LRRTM4: variants seen among roughly 807,000 people sequenced by gnomAD.
LRRTM4 encodes leucine-rich repeat transmembrane neuronal protein 4.
A neutral mutation model predicts 47.6 loss-of-function variants in LRRTM4; 25 were observed. That is an observed-to-expected ratio of 0.53 (90% CI 0.38 to 0.73). The LOEUF is 0.73. Ranked by LOEUF, LRRTM4 falls within the 30% of genes least tolerant of loss-of-function variation. The pLI is 0.00. For missense variants in LRRTM4, 638 were observed against 713.4 expected (o/e 0.89, Z 1.20); for synonymous variants, 311 against 269.5 (o/e 1.15, Z -1.51).
chr2:77,175,063 ATTTCTTT>A (rs1317596745), intron 3 of LRRTM4, among the ~76,000 whole-genome samples: 1 of 135,666 alleles, frequency 7.4e-6, no homozygotes, highest in Non-Finnish European at 1.5e-5. Flanking sequence ...ATTTTTCTTT[ATTTCTTT>A]TTTCTTTTTT....
At chr2:77,445,237 T>G (rs1304440918) in intron 3 of LRRTM4, among the ~76,000 whole-genome samples, 1 of 151,976 alleles carries the variant, frequency 6.6e-6, no homozygotes, top group Non-Finnish European at 1.5e-5. Context: ...TCATCATTTG[T>G]TAAATGGGAG....
chr2:77,330,616 C>A (rs1670939939), intron 3 of LRRTM4, among the ~76,000 whole-genome samples: 1 of 152,048 alleles, frequency 6.6e-6, no homozygotes. Context: ...AATCTGAGTT[C>A]TATTTTATGT....
At chr2:77,041,490 G>A (rs568996046) in intron 3 of LRRTM4, among the ~76,000 whole-genome samples, 2 of 151,288 alleles carry the variant, frequency 1.3e-5, no homozygotes, top group East Asian at 2.0e-4. Flanking sequence ...ACCTCTATAT[G>A]GTTTTCCATA....
rs78491533 is a variant in LRRTM4 at position 77,517,134 on chromosome 2, G to T, written c.1551+1184C>A. On this transcript the variant is annotated intron_variant, in intron 3 of 3. Coordinates refer to ENST00000409884, the MANE Select transcript of LRRTM4 (RefSeq NM_001134745.3). ...ATAATGATCAACATTACCAAGAAAAGAACAATTTACATCCAGCATTACTTA... is the reference window on the plus strand; with the variant it reads ...ATAATGATCAACATTACCAAGAAAATAACAATTTACATCCAGCATTACTTA... 2.8e-4 allele frequency: 274 copies of T among 985,082 alleles called. 1 individual carries two copies. In the African/African-American group the frequency reaches 4.6e-3, roughly 16 times the overall value. 61.0% of individuals were successfully genotyped at this position (985,082 alleles called of 1,614,324 possible).
intron 3 of LRRTM4, among the ~76,000 whole-genome samples, chr2:76,863,027 A>C (rs934668989): frequency 6.6e-6 from 1 of 152,182 alleles, no homozygotes; most frequent in Non-Finnish European, 1.5e-5. Flanking sequence ...CCACACCAGA[A>C]TTCAAAATTG....
intron 3 of LRRTM4, among the ~76,000 whole-genome samples, chr2:76,845,648 A>T (rs1671816892): frequency 1.3e-5 from 2 of 152,178 alleles, no homozygotes. Context: ...TTTTTCTATT[A>T]AATGGAAGTA....
At chr2:76,791,728 G>A (rs995196948) in intron 3 of LRRTM4, among the ~76,000 whole-genome samples, 14 of 152,272 alleles carry the variant, frequency 9.2e-5, no homozygotes, top group South Asian at 4.1e-4. Context: ...TGACAGAATC[G>A]ACATGTAGAA....
intron 3 of LRRTM4, among the ~76,000 whole-genome samples, chr2:76,839,409 T>C (rs1671608650): frequency 6.6e-6 from 1 of 152,168 alleles, no homozygotes; most frequent in Non-Finnish European, 1.5e-5. Context: ...AGTTCTCTAA[T>C]GGTGATCTTA....
chr2:77,380,663 G>A (rs1673015421), intron 3 of LRRTM4, among the ~76,000 whole-genome samples: 1 of 151,932 alleles, frequency 6.6e-6, no homozygotes, highest in African/African-American at 2.4e-5. Flanking sequence ...GGGCCTGGAT[G>A]TGCGTGCCTG....
At chr2:77,311,601 T>C (rs1319914516) in intron 3 of LRRTM4, among the ~76,000 whole-genome samples, 2 of 152,178 alleles carry the variant, frequency 1.3e-5, no homozygotes, top group Non-Finnish European at 2.9e-5. Context: ...GCGTTTAGCA[T>C]AGTAGGTGGC....
intron 3 of LRRTM4, among the ~76,000 whole-genome samples, chr2:77,217,468 T>TATATATATATATATATATATATAC (rs1338917871): frequency 2.8e-4 from 37 of 134,220 alleles, no homozygotes; most frequent in African/African-American, 4.9e-4. Flanking sequence ...TATATATATA[T>TATATATATATATATATATATATAC]ACTAAGCCTT....
At chr2:76,926,583 G>C (rs1489054113) in intron 3 of LRRTM4, among the ~76,000 whole-genome samples, 3 of 152,140 alleles carry the variant, frequency 2.0e-5, no homozygotes, top group African/African-American at 7.2e-5. Context: ...GATTAGGCCA[G>C]GAGGGCTCTG....
In LRRTM4 at chr2:77,150,271, T is replaced by G. The variant is rs1326122702; in HGVS notation, c.1551+368047A>C. Among the ~76,000 whole-genome samples, 3 of 152,184 alleles carry G rather than the reference T, an allele frequency of 2.0e-5. No homozygotes were observed. In the South Asian group the frequency reaches 6.2e-4, roughly 31 times the overall value. ...ACTTTGCATTTTTCTGTTCTTAAAA[T>G]AGAATACAAAAATGCCAGGCTACAA... On this transcript the variant is annotated intron_variant, in intron 3 of 3. Transcript: ENST00000409884.
At chr2:76,769,944 A>G (rs2104108741) in intron 3 of LRRTM4, among the ~76,000 whole-genome samples, 1 of 152,316 alleles carries the variant, frequency 6.6e-6, no homozygotes, top group Non-Finnish European at 1.5e-5. Flanking sequence ...CTTCTTAGAA[A>G]TATAAATCAT....
rs149589615 is a variant in LRRTM4, at chr2:77,269,676, T to C, written c.1551+248642A>G. On this transcript the variant is annotated intron_variant, in intron 3 of 3. Transcript: ENST00000409884. ...AGCATGATTATACAGGGATCATTTA[T>C]AAACAAGGATCTTTGTTAAATTATT... Among the ~76,000 whole-genome samples, 213 of 152,346 alleles carry C rather than the reference T, an allele frequency of 1.4e-3. 3 individuals carry two copies. Among genetic ancestry groups the C allele is most frequent in the African/African-American group, 4.8e-3 (199 of 41,594 alleles).
intron 3 of LRRTM4, among the ~76,000 whole-genome samples, chr2:77,018,354 G>T (rs116689412): frequency 1.4e-5 from 2 of 147,604 alleles, no homozygotes; most frequent in African/African-American, 5.1e-5. Context: ...ATACCAGCAG[G>T]ACTCCTAAGG....
At chr2:77,014,462 T>C (rs13406560) in intron 3 of LRRTM4, among the ~76,000 whole-genome samples, 36,107 of 148,798 alleles carry the variant, frequency 0.24, 4,752 homozygotes, top group East Asian at 0.42. Context: ...TGATTGACTA[T>C]TCTCATAAAA....
intron 3 of LRRTM4, among the ~76,000 whole-genome samples, chr2:77,465,028 G>A (rs760118944): frequency 2.0e-5 from 3 of 152,138 alleles, no homozygotes; most frequent in South Asian, 2.1e-4. Flanking sequence ...GATAAAGCAT[G>A]TTGGAGAACA....
chr2:77,203,467 G>C (rs563766990), intron 3 of LRRTM4, among the ~76,000 whole-genome samples: 1 of 152,168 alleles, frequency 6.6e-6, no homozygotes, highest in Non-Finnish European at 1.5e-5. Flanking sequence ...ACTACTGACT[G>C]CCTTAGGTAA....
Sources: gnomAD v4.1 joint callset for allele counts (sites outside exome capture counted in the v4.1 genomes callset) on GRCh38, gnomAD v4.1.1 for gene constraint, MANE v1.5 for transcripts, NCBI Gene and HGNC (gene_info 2026-07-23, HGNC 2026-07-21) for gene names.